Variants in RPAP3 observed in about 807,000 individuals in gnomAD.
RPAP3 encodes RNA polymerase II associated protein 3.
RPAP3 carries 58 observed loss-of-function variants against 88.8 expected under a neutral mutation model. That is an observed-to-expected ratio of 0.65 (90% CI 0.53 to 0.81). The LOEUF is 0.81. Among genes scored for constraint, RPAP3 ranks in the 40% least tolerant of loss-of-function variants. The pLI is 0.00. For missense variants in RPAP3, 751 were observed against 764.3 expected (o/e 0.98, Z 0.20); for synonymous variants, 255 against 259.9 (o/e 0.98, Z 0.18).
Position 47,701,463 on chromosome 12 carries a change from C to G in RPAP3, c.294+1G>C. ...AGAAGCAAATGACTAGATTAACTTA[C>G]CACATCAAGTTTTGCCCATGCCTCA... On this transcript the variant is annotated splice_donor_variant, in intron 3 of 16. Coordinates refer to ENST00000005386, the MANE Select transcript of RPAP3 (RefSeq NM_024604.3). LOFTEE classifies it high-confidence loss of function. The G allele has an allele frequency of 6.4e-7, 1 of 1,557,358 alleles. No individual in the cohort carries two copies. The highest frequency in any genetic ancestry group is 8.6e-7 in the Non-Finnish European group (1 of 1,157,560).
intron 10 of RPAP3, among the ~76,000 whole-genome samples, chr12:47,680,816 A>T (rs1471532192): frequency 6.6e-6 from 1 of 150,984 alleles, no homozygotes; most frequent in Non-Finnish European, 1.5e-5. Flanking sequence ...CTACCTGCTG[A>T]TAAAACCACA....
At chr12:47,677,496 T>C (rs1429260855) in intron 12 of RPAP3, among the ~76,000 whole-genome samples, 3 of 152,054 alleles carry the variant, frequency 2.0e-5, no homozygotes, top group African/African-American at 4.8e-5. Context: ...GAAAACCCCA[T>C]CGTCTCAGCC....
chr12:47,695,652 AGATT>A (rs1939511215), intron 5 of RPAP3, among the ~76,000 whole-genome samples: 1 of 152,192 alleles, frequency 6.6e-6, no homozygotes, highest in African/African-American at 2.4e-5. Flanking sequence ...TAATTTTTAG[AGATT>A]AATATCATGA....
intron 15 of RPAP3, among the ~76,000 whole-genome samples, 192 bp from the exon 16 acceptor site, chr12:47,667,272 G>C (rs1349670961): frequency 6.6e-6 from 1 of 152,116 alleles, no homozygotes; most frequent in Non-Finnish European, 1.5e-5. Context: ...TCTTAAATGA[G>C]AGCTTAGTAC....
chr12:47,705,326 G>A (rs1045130735), intron 1 of RPAP3, among the ~76,000 whole-genome samples: 1 of 152,196 alleles, frequency 6.6e-6, no homozygotes, highest in Non-Finnish European at 1.5e-5. Context: ...ACTAAATTAG[G>A]TTTAAGCTTC....
Position 47,661,705 on chromosome 12 carries a change from CA to C in RPAP3, c.*1799del, listed in dbSNP as rs1221103472. 4 of 152,174 alleles carry C rather than the reference CA, an allele frequency of 2.6e-5. No individual in the cohort carries two copies. The highest frequency in any genetic ancestry group is 9.7e-5 in the African/African-American group (4 of 41,432). 9.4% of individuals were successfully genotyped at this position (152,174 alleles called of 1,614,324 possible). A position where few individuals can be genotyped will look rare whatever the true frequency, so the allele number is the denominator to read the frequency against. On this transcript the variant is annotated 3_prime_UTR_variant, in exon 17 of 17. Coordinates refer to ENST00000005386, the MANE Select transcript of RPAP3 (RefSeq NM_024604.3). The stretch of plus-strand genomic sequence containing the variant: ...CACAGGTAACACAACATAAAAACTG[CA>C]GCTGGAAGTAGTTCAAATAGCTCTA...
intron 12 of RPAP3, among the ~76,000 whole-genome samples, chr12:47,675,050 C>G (rs1275412850): frequency 6.6e-6 from 1 of 152,186 alleles, no homozygotes; most frequent in Non-Finnish European, 1.5e-5. Context: ...GCAGATCTCT[C>G]AGCAGAAACC....
chr12:47,680,379 T>C (rs888894516), intron 10 of RPAP3, among the ~76,000 whole-genome samples: 7 of 152,256 alleles, frequency 4.6e-5, no homozygotes, highest in East Asian at 3.9e-4. Flanking sequence ...TGGACAGTGG[T>C]GATGGCTGCA....
chr12:47,693,850 A>G (rs1939473382), intron 5 of RPAP3, among the ~76,000 whole-genome samples: 2 of 152,252 alleles, frequency 1.3e-5, no homozygotes, highest in African/African-American at 4.8e-5. Flanking sequence ...CGAGAGACCA[A>G]CAAGAGACAA....
chr12:47,669,794 T>A (rs909572250), intron 13 of RPAP3, among the ~76,000 whole-genome samples: 3 of 152,150 alleles, frequency 2.0e-5, no homozygotes, highest in Admixed American at 2.0e-4. Flanking sequence ...AGCTTCCTTT[T>A]AAAAAACTAA....
At chr12:47,682,982 G>T (rs1370660313) in intron 9 of RPAP3, among the ~76,000 whole-genome samples, 1 of 152,100 alleles carries the variant, frequency 6.6e-6, no homozygotes, top group East Asian at 1.9e-4. Flanking sequence ...TGAGTATCTG[G>T]CCTTCTCTCT....
chr12:47,689,152 T>C lies in RPAP3; in HGVS notation c.711A>G (p.Ala237=). 1 of 1,469,096 alleles carries C rather than the reference T, an allele frequency of 6.8e-7. No individual in the cohort carries two copies. 91.0% of individuals were successfully genotyped at this position (1,469,096 alleles called of 1,614,324 possible). Reference sequence around the variant, plus strand: ...GACTGATTTTCCTGAGTTCATTTGTTGCTTCAAAGTTATTTGGTTCTAGTT... The same window carrying C: ...GACTGATTTTCCTGAGTTCATTTGTCGCTTCAAAGTTATTTGGTTCTAGTT... ...VLELEPNNFE[A]TNELRKISQA... is the part of the protein sequence containing the mutation. The change falls in exon 7 of 17, where the codon GCA becomes GCG. Residue 237 remains alanine (A), a synonymous_variant. Coordinates refer to ENST00000005386, the MANE Select transcript of RPAP3 (RefSeq NM_024604.3).
intron 5 of RPAP3, among the ~76,000 whole-genome samples, chr12:47,694,732 T>C (rs1939490444): frequency 6.6e-6 from 1 of 151,226 alleles, no homozygotes; most frequent in African/African-American, 2.4e-5. Context: ...ATGGAAAATA[T>C]ATAAGATGCT....
intron 13 of RPAP3, 38 bp downstream of exon 13, chr12:47,670,069 A>G (rs777024640): frequency 3.1e-6 from 4 of 1,303,398 alleles, no homozygotes; most frequent in Middle Eastern, 1.8e-4. Flanking sequence ...GAATTAACCC[A>G]TTCTGGATGA....
chr12:47,690,634 G>A lies in RPAP3; in HGVS notation c.551C>T (p.Ala184Val). The A allele has an allele frequency of 6.8e-7, 1 of 1,465,144 alleles. No individual in the cohort carries two copies. The highest frequency in any genetic ancestry group is 2.2e-5 in the Admixed American group (1 of 45,494). The allele number at this position is 1,465,144 out of a possible 1,614,324, so 90.8% of individuals were successfully genotyped here. Residue 184 changes from alanine (A) to valine (V), a missense_variant, in exon 6 of 17, where the codon GCT becomes GTT. Ala to Val is a moderately conservative substitution (Grantham distance 64). Coordinates refer to ENST00000005386, the MANE Select transcript of RPAP3 (RefSeq NM_024604.3). ...ASAYFRLKKF[A>V]VAESDCNLAV... The stretch of plus-strand genomic sequence containing the variant: ...TAAATTACAATCAGACTCAGCAACA[G>A]CAAATCTGCAATTTAAAAACATTAA...
chr12:47,668,680 G>A (rs576966773), intron 14 of RPAP3, among the ~76,000 whole-genome samples: 16 of 152,096 alleles, frequency 1.1e-4, no homozygotes, highest in Non-Finnish European at 2.9e-5. Context: ...TAATATATAT[G>A]AAATTAGATT....
chr12:47,675,136 C>T (rs980570064), intron 12 of RPAP3, among the ~76,000 whole-genome samples: 2 of 152,186 alleles, frequency 1.3e-5, no homozygotes, highest in African/African-American at 4.8e-5. Flanking sequence ...AATTTCATAT[C>T]TAGCCAAACT....
rs1939186059 is a variant in RPAP3, at chr12:47,679,715, TG to T, written c.1173del (p.Ile393LeufsTer5). On this transcript the variant is annotated frameshift_variant, in exon 11 of 17. Coordinates refer to ENST00000005386, the MANE Select transcript of RPAP3 (RefSeq NM_024604.3). LOFTEE classifies it high-confidence loss of function. Reference protein sequence around the residue: ...PGNKQAVTELSKIKKELIEKG... With the variant: ...PGNKQAVTELXKIKKELIEKG... ...AAAGAATACATTACCTTTTTAATTT[TG>T]GAGAGTTCAGTTACTGCTTGCTTAT... 1.2e-6 allele frequency: 2 copies of T among 1,604,710 alleles called. No homozygotes were observed. Among genetic ancestry groups the T allele is most frequent in the African/African-American group, 2.7e-5 (2 of 74,812 alleles).
At chr12:47,699,369 A>T (rs747165373) in intron 3 of RPAP3, 2 of 152,230 alleles carry the variant, frequency 1.3e-5, no homozygotes, top group Admixed American at 6.5e-5. Context: ...ACAAAAAGTC[A>T]CACACACAAA....
Sources: allele counts gnomAD v4.1 joint callset (sites outside exome capture counted in the v4.1 genomes callset), GRCh38; gene constraint gnomAD v4.1.1; transcripts MANE v1.5; gene names NCBI Gene and HGNC (gene_info 2026-07-23, HGNC 2026-07-21).